Variants in BORCS5 observed in about 807,000 individuals in gnomAD.
The protein encoded by BORCS5 is BLOC-1 related complex subunit 5, also known as BLOC-1-related complex subunit 5.
BORCS5 carries 17 observed loss-of-function variants against 22.1 expected under a neutral mutation model. That is an observed-to-expected ratio of 0.77 (90% CI 0.53 to 1.15). The LOEUF is 1.15. BORCS5 is among the 50% of genes most tolerant of loss of function. The pLI is 0.00. For missense variants in BORCS5, 247 were observed against 253.2 expected (o/e 0.98, Z 0.17); for synonymous variants, 117 against 99.8 (o/e 1.17, Z -1.03).
At chr12:12,373,004 T>G (rs890694031) in intron 2 of BORCS5, among the ~76,000 whole-genome samples, 1 of 152,184 alleles carries the variant, frequency 6.6e-6, no homozygotes, top group African/African-American at 2.4e-5. Flanking sequence ...ACTGAATGAT[T>G]ATGTCTCCCC....
intron 2 of BORCS5, among the ~76,000 whole-genome samples, chr12:12,409,694 G>A (rs1230812543): frequency 1.3e-5 from 2 of 152,134 alleles, no homozygotes; most frequent in East Asian, 3.8e-4. Context: ...AAACATACGT[G>A]TTCATGTGTC....
chr12:12,357,960 G>C (rs1420790085), intron 1 of BORCS5, among the ~76,000 whole-genome samples: 3 of 152,192 alleles, frequency 2.0e-5, no homozygotes, highest in Non-Finnish European at 4.4e-5. Flanking sequence ...TTAGTGCAAA[G>C]GTCTCCAGAA....
rs186139982 is a variant in BORCS5 at position 12,449,951 on chromosome 12, C to A, written c.360+14166C>A. On this transcript the variant is annotated intron_variant, in intron 3 of 3. Coordinates refer to ENST00000314565, the MANE Select transcript of BORCS5 (RefSeq NM_058169.6). ...CTATTCCTGATGGACGTGGAGATGT[C>A]TGATTGGATTTTGTCATTTGATTTT... is the stretch of plus-strand genomic sequence containing the variant. 4.6e-5 allele frequency among the ~76,000 whole-genome samples: 7 copies of A among 152,272 alleles called. No individual in the cohort carries two copies. The East Asian group carries it at 1.2e-3, about 25-fold the overall frequency.
chr12:12,448,359 G>A (rs1049366718), intron 3 of BORCS5, among the ~76,000 whole-genome samples: 1 of 152,046 alleles, frequency 6.6e-6, no homozygotes, highest in Admixed American at 6.6e-5. Flanking sequence ...GGGATTACAG[G>A]TGCCTGCCAC....
rs896398033 is a variant in BORCS5 at position 12,470,986 on chromosome 12, A to G, written c.*5210A>G. 6.6e-6 allele frequency among the ~76,000 whole-genome samples: 1 copy of G among 152,086 alleles called. No homozygotes were observed. Among genetic ancestry groups the G allele is most frequent in the Non-Finnish European group, 1.5e-5 (1 of 68,014 alleles). On this transcript the variant is annotated 3_prime_UTR_variant, in exon 4 of 4. Coordinates refer to ENST00000314565, the MANE Select transcript of BORCS5 (RefSeq NM_058169.6). Reference sequence around the variant, plus strand: ...TGCGAAAAGCTTTTCTGCACCAAGTACTTTCATTCTGGTCTTTGGAATTGT... The same window carrying G: ...TGCGAAAAGCTTTTCTGCACCAAGTGCTTTCATTCTGGTCTTTGGAATTGT...
chr12:12,430,772 T>C (rs1942403449), intron 2 of BORCS5, among the ~76,000 whole-genome samples: 3 of 152,206 alleles, frequency 2.0e-5, no homozygotes. Flanking sequence ...TATAAGTAAA[T>C]CTGAACATAT....
rs533387919 is a variant in BORCS5 at position 12,468,715 on chromosome 12, T to G, written c.*2939T>G. The G allele has an allele frequency of 1.3e-5, 2 of 152,212 alleles. No homozygotes were observed. Among genetic ancestry groups the G allele is most frequent in the Non-Finnish European group, 1.5e-5 (1 of 68,046 alleles). The allele number at this position is 152,212 out of a possible 1,614,324, so 9.4% of individuals were successfully genotyped here. On this transcript the variant is annotated 3_prime_UTR_variant, in exon 4 of 4. Transcript: ENST00000314565. ...ATAAATTAGCTGTTCATTGGCTGCT[T>G]CTTTCTAGAGCCTGTTTTGCTTATC...
At chr12:12,385,158 G>T (rs1015020606) in intron 2 of BORCS5, among the ~76,000 whole-genome samples, 2 of 151,416 alleles carry the variant, frequency 1.3e-5, no homozygotes, top group African/African-American at 4.9e-5. Context: ...CACACCCTCA[G>T]TGTCAGCTAG....
rs183135760 is a variant in BORCS5, at chr12:12,386,262, A to G, written c.202+24913A>G. 2.1e-3 allele frequency among the ~76,000 whole-genome samples: 311 copies of G among 151,094 alleles called. 9 individuals are homozygous for G. Among genetic ancestry groups the G allele is most frequent in the African/African-American group, 7.1e-3 (292 of 41,126 alleles). Reference sequence around the variant, plus strand: ...GTGATCCACCTGCCTCGGCCTCCCAAAGTGCTGGGATTACAGGTGTGAGCC... The same window carrying G: ...GTGATCCACCTGCCTCGGCCTCCCAGAGTGCTGGGATTACAGGTGTGAGCC... On this transcript the variant is annotated intron_variant, in intron 2 of 3. Transcript: ENST00000314565.
intron 3 of BORCS5, chr12:12,452,520 A>G (rs2136148442): frequency 2.3e-6 from 1 of 428,830 alleles, no homozygotes. Context: ...ACTGGGGGCC[A>G]GGGTGCGGGC....
At chr12:12,363,816 A>G (rs961980875) in intron 2 of BORCS5, among the ~76,000 whole-genome samples, 1 of 151,836 alleles carries the variant, frequency 6.6e-6, no homozygotes, top group Non-Finnish European at 1.5e-5. Context: ...GAGAATTGCT[A>G]GAACCAGGAG....
chr12:12,379,681 G>T (rs930993182), intron 2 of BORCS5, among the ~76,000 whole-genome samples: 3 of 151,288 alleles, frequency 2.0e-5, no homozygotes, highest in African/African-American at 4.9e-5. Context: ...AACCTCTGAG[G>T]TGCTTCCTTG....
Position 12,435,621 on chromosome 12 carries a change from T to C in BORCS5, c.203-7T>C. ...TTAATTTCATTTCATTTTTTTCTCC[T>C]TTGAAGGGCTATTGAGTGGCCAGAC... On this transcript the variant is annotated splice_polypyrimidine_tract_variant and splice_region_variant and intron_variant, in intron 2 of 3. Transcript: ENST00000314565. 6.2e-7 allele frequency: 1 copy of C among 1,606,372 alleles called. No homozygotes were observed.
chr12:12,369,451 T>C (rs1383534694), intron 2 of BORCS5, among the ~76,000 whole-genome samples: 1 of 152,174 alleles, frequency 6.6e-6, no homozygotes, highest in Non-Finnish European at 1.5e-5. Context: ...TCATTTTCTA[T>C]TTGTGCTGTG....
intron 2 of BORCS5, among the ~76,000 whole-genome samples, chr12:12,409,475 T>TGC (rs1941669112): frequency 6.6e-6 from 1 of 151,690 alleles, no homozygotes; most frequent in South Asian, 2.1e-4. Context: ...TGAGAACATA[T>TGC]GGTGTTTGGT....
In BORCS5 at chr12:12,385,024, A is replaced by G. The variant is rs113304337; in HGVS notation, c.202+23675A>G. On this transcript the variant is annotated intron_variant, in intron 2 of 3. Coordinates refer to ENST00000314565, the MANE Select transcript of BORCS5 (RefSeq NM_058169.6). Reference sequence around the variant, plus strand: ...GAGGTTGTACTTAACCACCTTGATCAGGAAGGCTTCTGTCATCTGTAAATG... The same window carrying G: ...GAGGTTGTACTTAACCACCTTGATCGGGAAGGCTTCTGTCATCTGTAAATG... 4.0e-3 allele frequency among the ~76,000 whole-genome samples: 599 copies of G among 151,598 alleles called. 18 individuals are homozygous for G. Among genetic ancestry groups the G allele is most frequent in the African/African-American group, 0.014 (559 of 41,340 alleles).
intron 2 of BORCS5, among the ~76,000 whole-genome samples, chr12:12,362,395 A>G (rs11054848): frequency 0.47 from 71,946 of 152,090 alleles, 20,404 homozygotes; most frequent in South Asian, 0.72. Context: ...TGTTTCATAA[A>G]TAAGGAAATA....
At chr12:12,415,003 G>T (rs1312500564) in intron 2 of BORCS5, among the ~76,000 whole-genome samples, 1 of 126,978 alleles carries the variant, frequency 7.9e-6, no homozygotes, top group African/African-American at 2.9e-5. Flanking sequence ...GGGTGGGGAA[G>T]AGGCGCTCCT....
intron 2 of BORCS5, among the ~76,000 whole-genome samples, chr12:12,423,438 CTTTTTTTT>C (rs939681383): frequency 1.4e-4 from 8 of 57,250 alleles, no homozygotes; most frequent in South Asian, 8.1e-4. Context: ...ACTCCCTCAG[CTTTTTTTT>C]TTTTTTTTTT....
Sources: gnomAD v4.1 joint callset for allele counts (sites outside exome capture counted in the v4.1 genomes callset) on GRCh38, gnomAD v4.1.1 for gene constraint, MANE v1.5 for transcripts, NCBI Gene and HGNC (gene_info 2026-07-23, HGNC 2026-07-21) for gene names.